Variants in NALF2 observed in about 807,000 individuals in gnomAD.
NALF2 encodes the protein bB57D9.1 (TED protein).
In NALF2, 1 loss-of-function variant was observed where a neutral mutation model predicts 24.8. That is an observed-to-expected ratio of 0.04 (90% confidence interval 0.01 to 0.19). The LOEUF is 0.19. Among genes scored for constraint, NALF2 ranks in the 10% least tolerant of loss-of-function variants. The pLI is 1.00. For synonymous variants in NALF2, 254 were observed against 189.8 expected (o/e 1.34, Z -2.78); for missense variants, 458 against 409.6 (o/e 1.12, Z -1.02).
rs771897756 is a variant in NALF2, at chrX:69,529,097, G to A, written c.966G>A (p.Arg322=). 4 of 1,211,138 alleles carry A rather than the reference G, an allele frequency of 3.3e-6. No individual in the cohort carries two copies. The highest frequency in any genetic ancestry group is 4.5e-6 in the Non-Finnish European group (4 of 895,144). The change falls in exon 2 of 3, where the codon CGG becomes CGA. Residue 322 remains arginine (R), a synonymous_variant. Coordinates refer to ENST00000252338, the MANE Select transcript of NALF2 (RefSeq NM_015686.3). ...AATACTGCCTGGAGGTGCAGACCCGGTGCCCCTTTATACTCCCCGACAATG... is the reference window on the plus strand; with the variant it reads ...AATACTGCCTGGAGGTGCAGACCCGATGCCCCTTTATACTCCCCGACAATG... ...CKQYCLEVQT[R]CPFILPDNEE... is the part of the protein sequence containing the mutation.
Position 69,505,925 on chromosome X carries a change from G to A in NALF2, c.643G>A (p.Asp215Asn). ...WDLLLGMDRP[D>N]SLDCSLDTLM... ...CTTGCTGCTGGGCATGGACCGCCCCGACAGCCTGGACTGTAGCCTGGACAC... is the reference window on the plus strand; with the variant it reads ...CTTGCTGCTGGGCATGGACCGCCCCAACAGCCTGGACTGTAGCCTGGACAC... The change falls in exon 1 of 3, where the codon GAC becomes AAC. Residue 215 changes from aspartate to asparagine, a missense_variant. Transcript: ENST00000252338. 8.3e-7 allele frequency: 1 copy of A among 1,211,677 alleles called. No individual in the cohort carries two copies. The highest frequency in any genetic ancestry group is 1.1e-6 in the Non-Finnish European group (1 of 895,432).
Position 69,505,722 on chromosome X carries a change from GCAC to G in NALF2, c.443_445del (p.Thr148del). The G allele has an allele frequency of 8.3e-7, 1 of 1,211,105 alleles. No homozygotes were observed. Among genetic ancestry groups the G allele is most frequent in the South Asian group, 1.8e-5 (1 of 56,988 alleles). Reference sequence around the variant, plus strand: ...GAGCCCACGGGGCTGGACGCAGCTTGCACCAAATTGCAATCTTTGCAGAGACTT... The same window carrying G: ...GAGCCCACGGGGCTGGACGCAGCTTGCAAATTGCAATCTTTGCAGAGACTT... On this transcript the variant is annotated inframe_deletion, in exon 1 of 3. Transcript: ENST00000252338.
At chrX:69,524,765 G>A (rs923281138) in intron 1 of NALF2, among the ~76,000 whole-genome samples, 2 of 111,959 alleles carry the variant, frequency 1.8e-5, no homozygotes, top group Admixed American at 9.4e-5. Flanking sequence ...AACACTGAGA[G>A]CCAGATCTTT....
intron 1 of NALF2, among the ~76,000 whole-genome samples, chrX:69,510,359 T>C (rs1359478777): frequency 1.8e-5 from 2 of 111,993 alleles, no homozygotes; most frequent in Non-Finnish European, 3.8e-5. Context: ...CTTCCTCCAC[T>C]CCGGCTGGCA....
intron 1 of NALF2, among the ~76,000 whole-genome samples, chrX:69,515,123 T>C (rs1239239798): frequency 8.9e-6 from 1 of 112,215 alleles, no homozygotes; most frequent in African/African-American, 3.2e-5. Flanking sequence ...TTATCTACTT[T>C]GCTGAGTTTT....
At chrX:69,515,624 T>G (rs189499923) in intron 1 of NALF2, among the ~76,000 whole-genome samples, 1 of 112,611 alleles carries the variant, frequency 8.9e-6, no homozygotes, top group East Asian at 2.8e-4. Flanking sequence ...AGACATTTGT[T>G]TTTCTTGTTT....
chrX:69,505,836 A>T lies in NALF2; in HGVS notation c.554A>T (p.Asn185Ile), dbSNP rs753427791. ...APAEFPSAKK[N>I]LLKGHFRNFT... is the part of the protein sequence containing the mutation. ...GCCGAGTTCCCCTCCGCCAAAAAAA[A>T]CTTGCTCAAAGGCCACTTTCGGAAC... The change falls in exon 1 of 3, where the codon AAC (asparagine) becomes ATC (isoleucine). Residue 185 changes from asparagine to isoleucine, a missense_variant. Physicochemically the swap from Asn to Ile is moderately radical, Grantham distance 149. Coordinates refer to ENST00000252338, the MANE Select transcript of NALF2 (RefSeq NM_015686.3). The T allele has an allele frequency of 2.5e-6, 3 of 1,210,916 alleles. No homozygotes were observed. Among genetic ancestry groups the T allele is most frequent in the Non-Finnish European group, 3.4e-6 (3 of 895,074 alleles).
rs778997550 is a variant in NALF2 at position 69,510,091 on chromosome X, G to A, written c.861+3948G>A. Among the ~76,000 whole-genome samples the A allele has an allele frequency of 2.5e-4, 28 of 112,552 alleles. 1 individual carries two copies. In the Admixed American group the frequency reaches 2.5e-3, roughly 10 times the overall value. On this transcript the variant is annotated intron_variant, in intron 1 of 2. Transcript: ENST00000252338. Reference sequence around the variant, plus strand: ...CCTGCTCCCAGGAAGTGTCTGGCCCGATACAGGTGGACCCTTGGGGAAAAT... The same window carrying A: ...CCTGCTCCCAGGAAGTGTCTGGCCCAATACAGGTGGACCCTTGGGGAAAAT...
At chrX:69,514,714 T>C (rs1165701688) in intron 1 of NALF2, among the ~76,000 whole-genome samples, 1 of 112,334 alleles carries the variant, frequency 8.9e-6, no homozygotes, top group Non-Finnish European at 1.9e-5. Context: ...TTCTGCACCA[T>C]TTTACATACA....
chrX:69,527,809 G>T (rs1268386390), intron 1 of NALF2, among the ~76,000 whole-genome samples: 2 of 111,157 alleles, frequency 1.8e-5, no homozygotes, highest in African/African-American at 3.3e-5. Flanking sequence ...CAGGTCGGGG[G>T]TGGAGCCTGA....
chrX:69,528,952 GGGGCT>G, intron 1 of NALF2, 36 bp from the exon 2 acceptor site: 1 of 1,167,189 alleles, frequency 8.6e-7, no homozygotes, highest in Non-Finnish European at 1.1e-6. Context: ...GAGGTGGGAA[GGGGCT>G]GGCACATGGG....
At chrX:69,527,558 A>G (rs1030213834) in intron 1 of NALF2, among the ~76,000 whole-genome samples, 1 of 112,378 alleles carries the variant, frequency 8.9e-6, no homozygotes, top group Non-Finnish European at 1.9e-5. Flanking sequence ...TCAGAAATGC[A>G]GATTCTGAGC....
At position 69,506,115 on chromosome X, in the gene NALF2, C is replaced by T. The variant is rs1930481299; in HGVS notation, c.833C>T (p.Ser278Leu). Residue 278 changes from serine to leucine, a missense_variant, in exon 1 of 3, where the codon TCA becomes TTA. Transcript: ENST00000252338. The part of the protein sequence containing the change: ...LHKYLQAEEY[S>L]IRSCTKGCKA... ...AAATACTTACAGGCGGAAGAGTACT[C>T]AATCCGGTCCTGCACGAAAGGCTGT... is the stretch of plus-strand genomic sequence containing the variant. 1 of 1,206,987 alleles carries T rather than the reference C, an allele frequency of 8.3e-7. No individual in the cohort carries two copies. Among genetic ancestry groups the T allele is most frequent in the Admixed American group, 2.2e-5 (1 of 45,665 alleles).
chrX:69,520,533 C>G (rs957832183), intron 1 of NALF2, among the ~76,000 whole-genome samples: 1 of 111,810 alleles, frequency 8.9e-6, no homozygotes, highest in African/African-American at 3.3e-5. Context: ...TCCCTAACCC[C>G]TGATGGCTTC....
At chrX:69,509,730 T>C (rs1248677477) in intron 1 of NALF2, among the ~76,000 whole-genome samples, 6 of 111,903 alleles carry the variant, frequency 5.4e-5, no homozygotes, top group Non-Finnish European at 1.1e-4. Flanking sequence ...AAGAGGTGAC[T>C]CGGGCAGATA....
chrX:69,515,306 C>T (rs763492625), intron 1 of NALF2, among the ~76,000 whole-genome samples: 2 of 112,291 alleles, frequency 1.8e-5, no homozygotes, highest in African/African-American at 6.5e-5. Context: ...CTTACATAAA[C>T]GTCTACACAC....
chrX:69,519,393 A>G (rs776777127), intron 1 of NALF2, among the ~76,000 whole-genome samples: 6 of 110,668 alleles, frequency 5.4e-5, no homozygotes, highest in Non-Finnish European at 9.4e-5. Context: ...GTAAGATACA[A>G]TCTGTCCTTG....
rs1490002379 is a variant in NALF2 at position 69,505,731 on chromosome X, T to G, written c.449T>G (p.Leu150Trp). The change falls in exon 1 of 3, where the codon TTG (leucine) becomes TGG (tryptophan). Residue 150 changes from leucine (L) to tryptophan (W), a missense_variant. By Grantham distance (61) the Leu-to-Trp change is moderately conservative. Coordinates refer to ENST00000252338, the MANE Select transcript of NALF2 (RefSeq NM_015686.3). ...GGGCTGGACGCAGCTTGCACCAAAT[T>G]GCAATCTTTGCAGAGACTTTTCGAA... ...PTGLDAACTK[L>W]QSLQRLFEPT... 8.3e-7 allele frequency: 1 copy of G among 1,209,336 alleles called. No homozygotes were observed. The highest frequency in any genetic ancestry group is 1.1e-6 in the Non-Finnish European group (1 of 894,711).
Position 69,530,071 on chromosome X carries a change from A to C in NALF2, c.*115A>C. 1.9e-6 allele frequency: 1 copy of C among 525,475 alleles called. No individual in the cohort carries two copies. The highest frequency in any genetic ancestry group is 4.1e-5 in the Admixed American group (1 of 24,375). The allele number at this position is 525,475 out of a possible 1,213,427, so 43.3% of individuals were successfully genotyped here. ...GTAGGATAAGGTGGGGGCGGGGGAA[A>C]TGGGGGAATGACACATCCCCCCCAA... On this transcript the variant is annotated 3_prime_UTR_variant, in exon 3 of 3. Transcript: ENST00000252338.
Sources: allele counts gnomAD v4.1 joint callset (sites outside exome capture counted in the v4.1 genomes callset), GRCh38; gene constraint gnomAD v4.1.1; transcripts MANE v1.5; gene names NCBI Gene and HGNC (gene_info 2026-07-23, HGNC 2026-07-21).